The following CERK variants were observed in gnomAD, a reference collection of about 807,000 sequenced individuals.
CERK encodes acylsphingosine kinase.
A neutral mutation model predicts 63.4 loss-of-function variants in CERK; 39 were observed. The observed-to-expected ratio is 0.61, with a 90% CI of 0.48 to 0.80. The LOEUF is 0.80. CERK is among the 30% of genes least tolerant of loss of function. The probability of loss-of-function intolerance (pLI) is 0.00; values close to 1 mark genes in which losing one functional copy is unlikely to be tolerated. For missense variants in CERK, 670 were observed against 714.1 expected (o/e 0.94, Z 0.70); for synonymous variants, 302 against 280.0 (o/e 1.08, Z -0.78).
chr22:46,713,703 T>C (rs2082854460), intron 3 of CERK, among the ~76,000 whole-genome samples: 1 of 151,964 alleles, frequency 6.6e-6, no homozygotes, highest in African/African-American at 2.4e-5. Context: ...GCGACCAACA[T>C]GAATCAATGT....
At chr22:46,734,022 G>A (rs2146598722) in intron 1 of CERK, among the ~76,000 whole-genome samples, 1 of 150,350 alleles carries the variant, frequency 6.7e-6, no homozygotes, top group South Asian at 2.1e-4. Flanking sequence ...GGAAACAGAG[G>A]AAGACTCCAA....
intron 1 of CERK, among the ~76,000 whole-genome samples, chr22:46,733,208 C>CAAA (rs35759818): frequency 1.3e-4 from 10 of 77,338 alleles, no homozygotes; most frequent in African/African-American, 4.2e-4. Flanking sequence ...GACTCTGTCT[C>CAAA]AAAAAAAAAA....
chr22:46,705,989 G>A (rs918490951), intron 6 of CERK, among the ~76,000 whole-genome samples: 1 of 152,236 alleles, frequency 6.6e-6, no homozygotes, highest in African/African-American at 2.4e-5. Context: ...AGTGAGCCAC[G>A]ATCATGCCAC....
At chr22:46,717,170 T>C (rs942718737) in intron 3 of CERK, among the ~76,000 whole-genome samples, 1 of 152,174 alleles carries the variant, frequency 6.6e-6, no homozygotes, top group Admixed American at 6.5e-5. Flanking sequence ...GTGGCTAAGA[T>C]GTGGGGCAAC....
intron 1 of CERK, among the ~76,000 whole-genome samples, chr22:46,730,155 C>T (rs1052393044): frequency 3.6e-4 from 55 of 151,708 alleles, no homozygotes; most frequent in African/African-American, 1.3e-3. Context: ...TGGTGGCTCA[C>T]GCCTGTAATC....
At chr22:46,695,162 T>G (rs1274548792) in intron 9 of CERK, 48 bp downstream of exon 9, 3 of 1,002,950 alleles carry the variant, frequency 3.0e-6, no homozygotes, top group Non-Finnish European at 4.6e-6. Flanking sequence ...ACCGTCCTGC[T>G]TCATTTCCCG....
At chr22:46,729,737 A>G (rs1358089406) in intron 1 of CERK, among the ~76,000 whole-genome samples, 1 of 152,164 alleles carries the variant, frequency 6.6e-6, no homozygotes, top group African/African-American at 2.4e-5. Context: ...GTTATCAGAC[A>G]AAGACTTCAA....
chr22:46,707,837 C>G lies in CERK; in HGVS notation c.715+6G>C. 6.2e-7 allele frequency: 1 copy of G among 1,603,004 alleles called. No individual in the cohort carries two copies. Among genetic ancestry groups the G allele is most frequent in the South Asian group, 1.1e-5 (1 of 90,564 alleles). ...GAGAACAGAGAATGCCAGGCCGGCT[C>G]CATACCTGCGGGAATGATTCCAATC... On this transcript the variant is annotated splice_donor_region_variant and intron_variant, in intron 6 of 12. Transcript: ENST00000216264.
intron 11 of CERK, among the ~76,000 whole-genome samples, chr22:46,691,052 T>TAC (rs753033175): frequency 2.8e-3 from 222 of 78,512 alleles, no homozygotes; most frequent in Middle Eastern, 0.025. Flanking sequence ...CATGTATACA[T>TAC]ACATACACAC....
chr22:46,727,768 C>T (rs958327346), intron 1 of CERK, among the ~76,000 whole-genome samples: 1 of 152,156 alleles, frequency 6.6e-6, no homozygotes, highest in African/African-American at 2.4e-5. Context: ...CCGGTGACCA[C>T]CCAAGGTCCA....
At position 46,737,169 on chromosome 22, in the gene CERK, T is replaced by C. The variant is rs188606938; in HGVS notation, c.142+838A>G. ...TTAGCCGGGCGTAGTAGCGGGCTCC[T>C]GTAATCCCAGCTACTCCGAGGCTGA... On this transcript the variant is annotated intron_variant, in intron 1 of 12. Coordinates refer to ENST00000216264, the MANE Select transcript of CERK (RefSeq NM_022766.6). Among the ~76,000 whole-genome samples, 374 of 151,978 alleles carry C rather than the reference T, an allele frequency of 2.5e-3. 1 individual carries two copies. Among genetic ancestry groups the C allele is most frequent in the African/African-American group, 8.5e-3 (353 of 41,430 alleles).
chr22:46,708,802 A>G (rs5769101), intron 5 of CERK, among the ~76,000 whole-genome samples: 85,838 of 151,870 alleles, frequency 0.57, 24,613 homozygotes, highest in Non-Finnish European at 0.61. Context: ...TCTATAGCCT[A>G]CGGCAGCCCA....
At chr22:46,703,789 C>T (rs1015662102) in intron 6 of CERK, among the ~76,000 whole-genome samples, 5 of 152,218 alleles carry the variant, frequency 3.3e-5, no homozygotes, top group African/African-American at 4.8e-5. Context: ...GCCGAACCAC[C>T]GCCTCCAAGA....
chr22:46,702,177 C>CAAAAA (rs135690), intron 6 of CERK, among the ~76,000 whole-genome samples: 1 of 84,152 alleles, frequency 1.2e-5, no homozygotes, highest in African/African-American at 5.2e-5. Flanking sequence ...GACTTCGTCT[C>CAAAAA]AAAAAAAAAA....
intron 10 of CERK, 24 bp downstream of exon 10, chr22:46,693,400 ACAC>A: frequency 6.3e-7 from 1 of 1,598,714 alleles, no homozygotes; most frequent in Non-Finnish European, 8.6e-7. Context: ...CACAGTGACA[ACAC>A]TGAGCCTGTG....
rs780996700 is a variant in CERK at position 46,701,670 on chromosome 22, G to A, written c.756C>T (p.Ser252=). Residue 252 remains serine, a synonymous_variant, in exon 7 of 13, where the codon AGC becomes AGT. Coordinates refer to ENST00000216264, the MANE Select transcript of CERK (RefSeq NM_022766.6). Reference sequence around the variant, plus strand: ...TATGCAGCGCCGAGGTTTCTGCGTCGCTGGTGCCCACGGTGGAGTAACACA... The same window carrying A: ...TATGCAGCGCCGAGGTTTCTGCGTCACTGGTGCCCACGGTGGAGTAACACA... The part of the protein sequence containing the change: ...DCVCYSTVGT[S]DAETSALHIV... 6.9e-5 allele frequency: 108 copies of A among 1,559,644 alleles called. No homozygotes were observed. The highest frequency in any genetic ancestry group is 1.5e-4 in the East Asian group (6 of 41,370).
At chr22:46,725,356 A>G (rs1350819117) in intron 1 of CERK, among the ~76,000 whole-genome samples, 2 of 152,108 alleles carry the variant, frequency 1.3e-5, no homozygotes, top group East Asian at 3.8e-4. Flanking sequence ...ATCTGAGGGC[A>G]GGTCATGTGG....
At position 46,695,530 on chromosome 22, in the gene CERK, C is replaced by T. The variant is rs116471281; in HGVS notation, c.944-215G>A. ...GACAACAGCACGTCTAGTCATAGTG[C>T]TGGTGCCTTCTGACACCCAGTGATG... On this transcript the variant is annotated intron_variant, in intron 8 of 12. Coordinates refer to ENST00000216264, the MANE Select transcript of CERK (RefSeq NM_022766.6). 1.6e-3 allele frequency among the ~76,000 whole-genome samples: 245 copies of T among 152,392 alleles called. 1 individual carries two copies. The highest frequency in any genetic ancestry group is 5.5e-3 in the African/African-American group (230 of 41,594).
Position 46,720,096 on chromosome 22 carries a change from C to T in CERK, c.369G>A (p.Leu123=), listed in dbSNP as rs757783448. The T allele has an allele frequency of 1.9e-6, 3 of 1,613,796 alleles. No individual in the cohort carries two copies. In the Admixed American group the frequency reaches 5.0e-5, roughly 27 times the overall value. The change falls in exon 3 of 13, where the codon CTG becomes CTA. Residue 123 remains leucine (L), a synonymous_variant. Transcript: ENST00000216264. ...HLWLQTLREM[L]EKLTSRPKHL... The stretch of plus-strand genomic sequence containing the variant: ...CAAACACACACGTACTCAGCTTCTC[C>T]AGCATCTCCCGCAGGGTCTGCAGCC...
Sources: gnomAD v4.1 joint callset for allele counts (sites outside exome capture counted in the v4.1 genomes callset) on GRCh38, gnomAD v4.1.1 for gene constraint, MANE v1.5 for transcripts, NCBI Gene and HGNC (gene_info 2026-07-23, HGNC 2026-07-21) for gene names.